Variants in RRBP1 observed in about 807,000 individuals in gnomAD.
RRBP1 encodes the protein ribosome-binding protein 1.
In RRBP1, 94 loss-of-function variants were observed where a neutral mutation model predicts 165.2. That is an observed-to-expected ratio of 0.57 (90% CI 0.48 to 0.68). RRBP1 has a LOEUF of 0.68. RRBP1 is among the 30% of genes least tolerant of loss of function. RRBP1 has a pLI of 0.00. For missense variants in RRBP1, 1,676 were observed against 1,763.0 expected, an observed-to-expected ratio of 0.95 and a Z score of 0.88; for synonymous variants, 680 against 714.5, an observed-to-expected ratio of 0.95 and a Z score of 0.77.
In RRBP1 at chr20:17,627,430, C is replaced by T. The variant is rs150181487; in HGVS notation, c.2929-48G>A. On this transcript the variant is annotated intron_variant, in intron 10 of 24. Transcript: ENST00000377813. ...CTTGGTCTCCAGGAGACTCATCTCA[C>T]GCAGCGGGGCTAGTCCACCCACCTG... is the stretch of plus-strand genomic sequence containing the variant. The T allele has an allele frequency of 7.2e-5, 116 of 1,612,372 alleles. No individual in the cohort carries two copies. The East Asian group carries it at 1.8e-3, about 25-fold the overall frequency.
At chr20:17,624,320 G>A (rs1600730142) in intron 13 of RRBP1, among the ~76,000 whole-genome samples, 2 of 152,236 alleles carry the variant, frequency 1.3e-5, no homozygotes, top group East Asian at 3.8e-4. Flanking sequence ...GTGCGTCTGT[G>A]TGTCCTAGTG....
chr20:17,659,992 A>G lies in RRBP1; in HGVS notation c.516T>C (p.Thr172=), dbSNP rs1379957139. The change falls in exon 3 of 25, where the codon ACT becomes ACC. Residue 172 remains threonine (T), a synonymous_variant. Transcript: ENST00000377813. ...CCACCATCGGCACCTCCTTGGGAGC[A>G]GTTTCCAAGATGGCAGCCTTCGAAG... ...VLTSKAAILE[T]APKEVPMVVV... The G allele has an allele frequency of 6.2e-7, 1 of 1,611,194 alleles. No individual in the cohort carries two copies. Among genetic ancestry groups the G allele is most frequent in the Non-Finnish European group, 8.5e-7 (1 of 1,178,562 alleles).
At position 17,621,557 on chromosome 20, in the gene RRBP1, G is replaced by A. The variant is rs557475993; in HGVS notation, c.3325-10C>T. The A allele has an allele frequency of 2.5e-6, 4 of 1,608,594 alleles. No individual in the cohort carries two copies. The highest frequency in any genetic ancestry group is 2.2e-5 in the East Asian group (1 of 44,828). On this transcript the variant is annotated splice_polypyrimidine_tract_variant and intron_variant, in intron 15 of 24. Transcript: ENST00000377813. The stretch of plus-strand genomic sequence containing the variant: ...ACTTGGAGGCCAGGTCCTGAGAGAG[G>A]GAAGAACAGGTGTTTAGTTAGCCAC...
chr20:17,646,583 C>T (rs2036466547), intron 3 of RRBP1, among the ~76,000 whole-genome samples: 2 of 152,226 alleles, frequency 1.3e-5, no homozygotes, highest in Admixed American at 6.5e-5. Context: ...TTGCAACGTG[C>T]TTGGAACCAT....
rs1270216828 is a variant in RRBP1 at position 17,635,585 on chromosome 20, C to G, written c.2417G>C (p.Arg806Pro). The G allele has an allele frequency of 6.2e-7, 1 of 1,612,888 alleles. No homozygotes were observed. The highest frequency in any genetic ancestry group is 1.3e-5 in the African/African-American group (1 of 74,876). ...ARLQQENSIL[R>P]DALNQATSQV... ...GCTCGTGGCCTGGTTCAAGGCATCC[C>G]GCAGGATGGAGTTCTCCTGCTGCAG... The change falls in exon 7 of 25, where the codon CGG becomes CCG. Residue 806 changes from arginine (R) to proline (P), a missense_variant. Transcript: ENST00000377813.
At chr20:17,620,249 C>T (rs759847740) in intron 18 of RRBP1, 50 bp downstream of exon 18, 1 of 1,442,630 alleles carries the variant, frequency 6.9e-7, no homozygotes, top group Non-Finnish European at 9.8e-7. Flanking sequence ...ACGTCACTTT[C>T]AAAGAGGCTC....
intron 5 of RRBP1, among the ~76,000 whole-genome samples, chr20:17,639,894 C>CAAAAA (rs11476981): frequency 3.0e-5 from 3 of 98,760 alleles, no homozygotes; most frequent in Non-Finnish European, 4.1e-5. Flanking sequence ...ACTCCAGTCT[C>CAAAAA]AAAAAAAAAA....
At chr20:17,627,217 G>A in intron 11 of RRBP1, 131 bp downstream of exon 11, 1 of 853,992 alleles carries the variant, frequency 1.2e-6, no homozygotes, top group Non-Finnish European at 1.8e-6. Context: ...GATGGGGGAG[G>A]GAAGGGAGCC....
In RRBP1 at chr20:17,624,625, G is replaced by A. The variant is rs148207723; in HGVS notation, c.3098C>T (p.Thr1033Met). ...CTTCTCCTTGCAGGCCTGCTCGGCC[G>A]TGGCCAGTGCCTCCATGGCCTTCCA... ...KNWKAMEALATAEQACKEKLL... is the reference protein window; with the variant it reads ...KNWKAMEALAMAEQACKEKLL... The change falls in exon 13 of 25, where the codon ACG becomes ATG. Residue 1033 changes from threonine to methionine, a missense_variant. Transcript: ENST00000377813. 2.9e-5 allele frequency: 46 copies of A among 1,591,754 alleles called. No individual in the cohort carries two copies. The highest frequency in any genetic ancestry group is 6.8e-5 in the East Asian group (3 of 44,140).
chr20:17,678,416 T>C (rs1194732513), intron 2 of RRBP1, among the ~76,000 whole-genome samples: 1 of 152,230 alleles, frequency 6.6e-6, no homozygotes, highest in East Asian at 1.9e-4. Context: ...CTCCCACTCC[T>C]TTTTCTTGGA....
intron 9 of RRBP1, among the ~76,000 whole-genome samples, chr20:17,628,883 C>G (rs1386238001): frequency 6.6e-6 from 1 of 152,274 alleles, no homozygotes; most frequent in Admixed American, 6.5e-5. Context: ...CACAGCCAGG[C>G]CCCTCTGTTC....
chr20:17,638,415 C>G (rs1283816326), intron 5 of RRBP1, among the ~76,000 whole-genome samples: 1 of 152,194 alleles, frequency 6.6e-6, no homozygotes. Context: ...TGGAGACACC[C>G]TTCCCAGCCC....
At chr20:17,631,132 T>C (rs3790325) in intron 8 of RRBP1, among the ~76,000 whole-genome samples, 59,333 of 152,110 alleles carry the variant, frequency 0.39, 12,202 homozygotes, top group Middle Eastern at 0.54. Flanking sequence ...AGGGAGGAAA[T>C]GAAAGAAAGG....
At position 17,621,487 on chromosome 20, in the gene RRBP1, C is replaced by T; in HGVS notation, c.3385G>A (p.Asp1129Asn). The T allele has an allele frequency of 6.2e-7, 1 of 1,612,744 alleles. No individual in the cohort carries two copies. The highest frequency in any genetic ancestry group is 8.5e-7 in the Non-Finnish European group (1 of 1,179,954). Residue 1129 changes from aspartate (D) to asparagine (N), a missense_variant, in exon 16 of 25, where the codon GAC becomes AAC. Physicochemically the swap from Asp to Asn is conservative, Grantham distance 23. This residue lies in a region of RRBP1 where 1,184 missense variants were observed against 1,167.1 expected (regional missense o/e 1.01). Coordinates refer to ENST00000377813, the MANE Select transcript of RRBP1 (RefSeq NM_001365613.2). ...TCCGCCAGGATGCTGCGGTACTGGT[C>T]ACACTCGGCCTGCAGTGTGCTCTGC... ...ETQSTLQAECDQYRSILAETE... is the reference protein window; with the variant it reads ...ETQSTLQAECNQYRSILAETE...
chr20:17,632,051 G>A (rs963029147), intron 8 of RRBP1, among the ~76,000 whole-genome samples: 3 of 152,234 alleles, frequency 2.0e-5, no homozygotes, highest in Non-Finnish European at 4.4e-5. Flanking sequence ...CTGCAGGACA[G>A]CTCCTACTAT....
Position 17,621,963 on chromosome 20 carries a change from G to T in RRBP1, c.3148-16C>A. 2 of 1,597,110 alleles carry T rather than the reference G, an allele frequency of 1.3e-6. No individual in the cohort carries two copies. Among genetic ancestry groups the T allele is most frequent in the Non-Finnish European group, 1.7e-6 (2 of 1,165,994 alleles). On this transcript the variant is annotated splice_polypyrimidine_tract_variant and intron_variant, in intron 13 of 24. Transcript: ENST00000377813. The stretch of plus-strand genomic sequence containing the variant: ...CCGATTCCTCCTGGGGGGTGGGTGG[G>T]GAAGAGCGGAAGGTGTTCAGCTGTG...
chr20:17,627,301 C>G, intron 11 of RRBP1, 47 bp downstream of exon 11: 1 of 1,605,352 alleles, frequency 6.2e-7, no homozygotes, highest in Non-Finnish European at 8.5e-7. Flanking sequence ...TCTTTGGTCC[C>G]CCGGGCTGAG....
At chr20:17,676,471 AG>A (rs2037084567) in intron 2 of RRBP1, among the ~76,000 whole-genome samples, 2 of 152,194 alleles carry the variant, frequency 1.3e-5, no homozygotes, top group Non-Finnish European at 2.9e-5. Context: ...CACTCACTCC[AG>A]GGATCAGAAC....
intron 2 of RRBP1, among the ~76,000 whole-genome samples, chr20:17,672,604 A>G (rs2036998072): frequency 6.6e-6 from 1 of 152,224 alleles, no homozygotes; most frequent in Admixed American, 6.5e-5. Flanking sequence ...CTTCAGACAA[A>G]AAGTCTGGCA....
Sources: gnomAD v4.1 joint callset for allele counts (sites outside exome capture counted in the v4.1 genomes callset) on GRCh38, gnomAD v4.1.1 for gene constraint, gnomAD v4.1.1 regional missense constraint, MANE v1.5 for transcripts, NCBI Gene and HGNC (gene_info 2026-07-23, HGNC 2026-07-21) for gene names.